The following TMOD1 variants were observed in gnomAD, a reference collection of about 807,000 sequenced individuals.
The protein encoded by TMOD1 is tropomodulin-1.
A neutral mutation model predicts 40.6 loss-of-function variants in TMOD1; 17 were observed. The observed-to-expected ratio is 0.42, with a 90% CI of 0.29 to 0.63. The LOEUF (loss-of-function observed/expected upper bound fraction) is 0.63, where lower values mean the gene tolerates loss of function less well. Among genes scored for constraint, TMOD1 ranks in the 20% least tolerant of loss-of-function variants. The probability of loss-of-function intolerance (pLI) is 0.22; values close to 1 mark genes in which losing one functional copy is unlikely to be tolerated. For synonymous variants in TMOD1, 181 were observed against 175.0 expected, an observed-to-expected ratio of 1.03 and a Z score of -0.27; for missense variants, 391 against 447.6, an observed-to-expected ratio of 0.87 and a Z score of 1.14.
At position 97,591,741 on chromosome 9, in the gene TMOD1, G is replaced by A. The variant is rs550036247; in HGVS notation, c.1015+306G>A. Among the ~76,000 whole-genome samples, 34 of 152,174 alleles carry A rather than the reference G, an allele frequency of 2.2e-4. No individual in the cohort carries two copies. The East Asian group carries it at 2.5e-3, about 11-fold the overall frequency. ...TGAAATTTGGGAGGGCACAAGTCTC[G>A]CCGGGAGTATTTTCCTCTTCTGAAT... On this transcript the variant is annotated intron_variant, in intron 9 of 9. Transcript: ENST00000259365.
At chr9:97,552,088 A>T (rs1830463254) in intron 3 of TMOD1, among the ~76,000 whole-genome samples, 1 of 152,220 alleles carries the variant, frequency 6.6e-6, no homozygotes, top group Admixed American at 6.5e-5. Context: ...GTGGAAATTC[A>T]GGGTTTTCTA....
chr9:97,591,392 C>A lies in TMOD1; in HGVS notation c.972C>A (p.Pro324=), dbSNP rs774041983. The A allele has an allele frequency of 6.2e-7, 1 of 1,614,190 alleles. No individual in the cohort carries two copies. The highest frequency in any genetic ancestry group is 8.5e-7 in the Non-Finnish European group (1 of 1,180,040). ...GCTACCACTTTACCCAGCAAGGACC[C>A]CGGCTTCGGGCATCCAACGCAATGA... The part of the protein sequence containing the change: ...KFGYHFTQQG[P]RLRASNAMMN... Residue 324 remains proline (P), a synonymous_variant, in exon 9 of 10, where the codon CCC becomes CCA. Coordinates refer to ENST00000259365, the MANE Select transcript of TMOD1 (RefSeq NM_003275.4).
Position 97,600,789 on chromosome 9 carries a change from A to G in TMOD1, c.*1091A>G. On this transcript the variant is annotated 3_prime_UTR_variant, in exon 10 of 10. Coordinates refer to ENST00000259365, the MANE Select transcript of TMOD1 (RefSeq NM_003275.4). The stretch of plus-strand genomic sequence containing the variant: ...CCCCAAGATGATTACACTGAAATGT[A>G]GTATTAGTACTGCTGCCAGATCTCT... The G allele has an allele frequency of 2.0e-6, 2 of 1,022,780 alleles. No homozygotes were observed. Among genetic ancestry groups the G allele is most frequent in the Non-Finnish European group, 2.3e-6 (2 of 851,836 alleles). 63.4% of individuals were successfully genotyped at this position (1,022,780 alleles called of 1,614,324 possible). A position where few individuals can be genotyped will look rare whatever the true frequency, so the allele number is the denominator to read the frequency against.
Position 97,601,110 on chromosome 9 carries a change from G to A in TMOD1, c.*1412G>A, listed in dbSNP as rs927064749. On this transcript the variant is annotated 3_prime_UTR_variant, in exon 10 of 10. Transcript: ENST00000259365. The stretch of plus-strand genomic sequence containing the variant: ...CAGGGCCTCAGCGCTATGGAAGAGT[G>A]TCCACTGAGGCTGCACATGGCCCAG... The A allele has an allele frequency of 7.7e-7, 1 of 1,304,316 alleles. No individual in the cohort carries two copies. The highest frequency in any genetic ancestry group is 2.3e-5 in the Admixed American group (1 of 43,576). 80.8% of individuals were successfully genotyped at this position (1,304,316 alleles called of 1,614,324 possible). A position where few individuals can be genotyped will look rare whatever the true frequency, so the allele number is the denominator to read the frequency against.
rs1829967729 is a variant in TMOD1 at position 97,524,428 on chromosome 9, C to T, written c.120+120C>T. 4 of 1,276,078 alleles carry T rather than the reference C, an allele frequency of 3.1e-6. No individual in the cohort carries two copies. The Admixed American group carries it at 1.1e-4, about 34-fold the overall frequency. 79.0% of individuals were successfully genotyped at this position (1,276,078 alleles called of 1,614,324 possible). ...TTCCATGGCAATGACATTGGTATAACTTTGCCTTTGCAGATTTTTCTTTTA... is the reference window on the plus strand; with the variant it reads ...TTCCATGGCAATGACATTGGTATAATTTTGCCTTTGCAGATTTTTCTTTTA... On this transcript the variant is annotated intron_variant, in intron 2 of 9. Coordinates refer to ENST00000259365, the MANE Select transcript of TMOD1 (RefSeq NM_003275.4).
At chr9:97,597,923 G>A (rs1310310655) in intron 9 of TMOD1, among the ~76,000 whole-genome samples, 1 of 152,014 alleles carries the variant, frequency 6.6e-6, no homozygotes, top group African/African-American at 2.4e-5. Flanking sequence ...CAGGGAGAAG[G>A]AGCTAATCCT....
rs1043088591 is a variant in TMOD1, at chr9:97,546,067, A to T, written c.121-118A>T. On this transcript the variant is annotated intron_variant, in intron 2 of 9. Transcript: ENST00000259365. ...AACACCATGGATTCCATGAGCTCTG[A>T]GGTCCCTTCTGTTCGATGATGAGTT... 3 of 1,206,240 alleles carry T rather than the reference A, an allele frequency of 2.5e-6. No homozygotes were observed. The African/African-American group carries it at 4.6e-5, about 19-fold the overall frequency. The allele number at this position is 1,206,240 out of a possible 1,614,324, so 74.7% of individuals were successfully genotyped here. A position where few individuals can be genotyped will look rare whatever the true frequency, so the allele number is the denominator to read the frequency against.
At chr9:97,587,799 C>T (rs1056441017) in intron 8 of TMOD1, among the ~76,000 whole-genome samples, 4 of 152,198 alleles carry the variant, frequency 2.6e-5, no homozygotes, top group African/African-American at 7.2e-5. Flanking sequence ...TCCTTTCCAT[C>T]GCTATGGATT....
At position 97,553,314 on chromosome 9, in the gene TMOD1, A is replaced by G. The variant is rs758337160; in HGVS notation, c.311A>G (p.Asp104Gly). Residue 104 changes from aspartate (D) to glycine (G), a missense_variant, in exon 4 of 10, where the codon GAT (aspartate) becomes GGT (glycine). Asp to Gly is a moderately conservative substitution (Grantham distance 94). Coordinates refer to ENST00000259365, the MANE Select transcript of TMOD1 (RefSeq NM_003275.4). ...TGGGTTCCTAAGCAGAAGCCACTGG[A>G]TCCTGTGCTGGAAAGTGTGACGCTG... ...KVWVPKQKPL[D>G]PVLESVTLEP... 12 of 1,614,144 alleles carry G rather than the reference A, an allele frequency of 7.4e-6. No individual in the cohort carries two copies. In the Admixed American group the frequency reaches 1.5e-4, roughly 20 times the overall value.
At chr9:97,574,589 C>T (rs1830890264) in intron 8 of TMOD1, among the ~76,000 whole-genome samples, 1 of 152,274 alleles carries the variant, frequency 6.6e-6, no homozygotes, top group African/African-American at 2.4e-5. Flanking sequence ...CAGGCAGCTC[C>T]ACCTGCGGCC....
intron 1 of TMOD1, among the ~76,000 whole-genome samples, chr9:97,509,500 GT>G (rs1332720782): frequency 3.9e-4 from 53 of 136,448 alleles, no homozygotes; most frequent in African/African-American, 6.0e-4. Flanking sequence ...GCTAATAGAG[GT>G]TTTTTTTTTT....
chr9:97,534,044 A>G (rs561096874), intron 2 of TMOD1, among the ~76,000 whole-genome samples: 11 of 152,330 alleles, frequency 7.2e-5, no homozygotes, highest in Admixed American at 5.9e-4. Flanking sequence ...GGGGAGGGAT[A>G]AAAGAAAGGA....
At position 97,594,448 on chromosome 9, in the gene TMOD1, C is replaced by T. The variant is rs138975751; in HGVS notation, c.1015+3013C>T. On this transcript the variant is annotated intron_variant, in intron 9 of 9. Transcript: ENST00000259365. ...TATTTGTATCGTAAAAGCCTCCTGC[C>T]AGCTCCTCCTCGGGACTGAGGCTGT... is the stretch of plus-strand genomic sequence containing the variant. 1.2e-3 allele frequency among the ~76,000 whole-genome samples: 183 copies of T among 152,326 alleles called. 2 individuals are homozygous for T. The highest frequency in any genetic ancestry group is 4.3e-3 in the African/African-American group (180 of 41,568).
chr9:97,526,001 C>A (rs1396812519), intron 2 of TMOD1, among the ~76,000 whole-genome samples: 1 of 152,186 alleles, frequency 6.6e-6, no homozygotes, highest in African/African-American at 2.4e-5. Flanking sequence ...GATTCCCTGA[C>A]CCATGAATCC....
chr9:97,589,854 G>T (rs904255479), intron 8 of TMOD1, among the ~76,000 whole-genome samples: 3 of 151,860 alleles, frequency 2.0e-5, no homozygotes, highest in Non-Finnish European at 4.4e-5. Flanking sequence ...TCCTGTTTAA[G>T]ATTATATTTA....
upstream of TMOD1, among the ~76,000 whole-genome samples, chr9:97,501,429 C>A (rs1023427430): frequency 2.6e-5 from 4 of 152,158 alleles, no homozygotes; most frequent in African/African-American, 9.6e-5. Flanking sequence ...AGCGGGGAAG[C>A]GGAGGAGACC....
chr9:97,548,548 C>T (rs984631479), intron 3 of TMOD1, among the ~76,000 whole-genome samples: 1 of 152,124 alleles, frequency 6.6e-6, no homozygotes. Context: ...TGCTGGTGTC[C>T]ACTTCCTCAT....
chr9:97,575,996 C>T (rs72751535), intron 8 of TMOD1, among the ~76,000 whole-genome samples: 10,554 of 152,206 alleles, frequency 0.069, 397 homozygotes, highest in Non-Finnish European at 0.083. Flanking sequence ...AGGAATACCC[C>T]CTCCCTCCCC....
chr9:97,569,181 G>A, intron 8 of TMOD1, 144 bp downstream of exon 8: 11 of 990,336 alleles, frequency 1.1e-5, no homozygotes, highest in Non-Finnish European at 1.6e-5. Context: ...GGTCCCTAAA[G>A]TTCACACCCT....
Sources: gnomAD v4.1 joint callset for allele counts (sites outside exome capture counted in the v4.1 genomes callset) on GRCh38, gnomAD v4.1.1 for gene constraint, MANE v1.5 for transcripts, NCBI Gene and HGNC (gene_info 2026-07-23, HGNC 2026-07-21) for gene names.